SLC4A10: variants seen among roughly 807,000 people sequenced by gnomAD.
SLC4A10 encodes the protein solute carrier family 4 member 10, also known as sodium-driven chloride bicarbonate exchanger.
Under a neutral mutation model 137.7 loss-of-function variants are expected in SLC4A10, and 42 were observed. The observed-to-expected ratio is 0.30, with a 90% confidence interval of 0.24 to 0.39. The LOEUF is 0.39. Among genes scored for constraint, SLC4A10 ranks in the 10% least tolerant of loss-of-function variants. SLC4A10 has a pLI of 1.00. For missense variants in SLC4A10, 925 were observed against 1,355.0 expected (o/e 0.68, Z 4.98); for synonymous variants, 474 against 464.1 (o/e 1.02, Z -0.27).
At chr2:161,846,652 C>T (rs2125821348) in intron 4 of SLC4A10, among the ~76,000 whole-genome samples, 1 of 152,250 alleles carries the variant, frequency 6.6e-6, no homozygotes, top group Admixed American at 6.5e-5. Context: ...TAAAAAGGAA[C>T]AAACTACTGA....
Position 161,784,362 on chromosome 2 carries a change from A to G in SLC4A10, c.130+13308A>G, listed in dbSNP as rs377521402. On this transcript the variant is annotated intron_variant, in intron 2 of 26. Transcript: ENST00000446997. The stretch of plus-strand genomic sequence containing the variant: ...ATTACCCACGGGCAAAACAGAGCAA[A>G]AGGAAATAAAGGACTTCAACAACCT... Among the ~76,000 whole-genome samples the G allele has an allele frequency of 2.6e-5, 4 of 151,972 alleles. No homozygotes were observed. The East Asian group carries it at 5.8e-4, about 22-fold the overall frequency.
intron 1 of SLC4A10, among the ~76,000 whole-genome samples, chr2:161,685,611 A>AAAAC (rs143002118): frequency 6.9e-6 from 1 of 145,172 alleles, no homozygotes; most frequent in Admixed American, 6.9e-5. Flanking sequence ...CTGTCTCAGA[A>AAAAC]AAACAAACAA....
intron 1 of SLC4A10, among the ~76,000 whole-genome samples, chr2:161,696,096 T>C (rs549628938): frequency 6.6e-6 from 1 of 150,796 alleles, no homozygotes; most frequent in South Asian, 2.1e-4. Context: ...CCGTGTGTGA[T>C]GTTCCCCTTC....
At chr2:161,792,327 T>C (rs2054291038) in intron 2 of SLC4A10, among the ~76,000 whole-genome samples, 2 of 152,216 alleles carry the variant, frequency 1.3e-5, no homozygotes, top group Admixed American at 6.5e-5. Flanking sequence ...CCTTTAATCA[T>C]TATTTTTCTT....
At position 161,644,942 on chromosome 2, in the gene SLC4A10, A is replaced by G. The variant is rs561108958; in HGVS notation, c.48+20376A>G. ...TTGAAGTGATAATAAAGTTACATCA[A>G]AACAAGAAGGACTGGATCTTAACCC... On this transcript the variant is annotated intron_variant, in intron 1 of 26. Transcript: ENST00000446997. Among the ~76,000 whole-genome samples, 11 of 152,306 alleles carry G rather than the reference A, an allele frequency of 7.2e-5. No individual in the cohort carries two copies. The South Asian group carries it at 1.7e-3, about 23-fold the overall frequency.
intron 5 of SLC4A10, among the ~76,000 whole-genome samples, chr2:161,856,720 AG>A (rs997827511): frequency 6.6e-6 from 1 of 152,172 alleles, no homozygotes; most frequent in Non-Finnish European, 1.5e-5. Context: ...ATGAAACAGC[AG>A]GCTTTTCACA....
intron 1 of SLC4A10, among the ~76,000 whole-genome samples, chr2:161,685,635 C>CA (rs201910372): frequency 0.036 from 2,442 of 67,966 alleles, 63 homozygotes; most frequent in African/African-American, 0.12. Flanking sequence ...AACAAACAAA[C>CA]AAAAAAAAAA....
At chr2:161,683,746 G>A (rs984521430) in intron 1 of SLC4A10, among the ~76,000 whole-genome samples, 1 of 152,078 alleles carries the variant, frequency 6.6e-6, no homozygotes, top group East Asian at 1.9e-4. Flanking sequence ...TTTGTTAAAT[G>A]TTATCATTTT....
At chr2:161,772,306 G>A (rs1396699564) in intron 2 of SLC4A10, among the ~76,000 whole-genome samples, 2 of 151,696 alleles carry the variant, frequency 1.3e-5, no homozygotes, top group Non-Finnish European at 2.9e-5. Context: ...TCCTATTTAT[G>A]TCATGCTATG....
intron 10 of SLC4A10, among the ~76,000 whole-genome samples, chr2:161,890,649 G>A (rs2062817835): frequency 6.6e-6 from 1 of 151,984 alleles, no homozygotes; most frequent in Admixed American, 6.6e-5. Context: ...CTTGGTAAAT[G>A]TTCCTCTATC....
chr2:161,678,603 T>A (rs2040515848), intron 1 of SLC4A10, among the ~76,000 whole-genome samples: 1 of 152,120 alleles, frequency 6.6e-6, no homozygotes, highest in Non-Finnish European at 1.5e-5. Flanking sequence ...CAGAGAAGAC[T>A]CCTCCATGCT....
At chr2:161,792,745 G>A (rs779422962) in intron 2 of SLC4A10, among the ~76,000 whole-genome samples, 6 of 152,112 alleles carry the variant, frequency 3.9e-5, no homozygotes, top group African/African-American at 1.4e-4. Flanking sequence ...AGTGCTAATA[G>A]GGTACTGAGC....
At chr2:161,795,222 C>G (rs1433489162) in intron 2 of SLC4A10, among the ~76,000 whole-genome samples, 6 of 152,040 alleles carry the variant, frequency 3.9e-5, no homozygotes, top group Admixed American at 3.3e-4. Flanking sequence ...TCAGCCTACT[C>G]CAGCTTGTAG....
At chr2:161,982,952 A>G (rs1021201170) in intron 26 of SLC4A10, among the ~76,000 whole-genome samples, 66 of 152,252 alleles carry the variant, frequency 4.3e-4, no homozygotes, top group African/African-American at 1.3e-3. Flanking sequence ...TTTGTTGTTT[A>G]GTGTCTGTTT....
At chr2:161,824,406 CTG>C (rs1214345838) in intron 3 of SLC4A10, among the ~76,000 whole-genome samples, 1 of 152,188 alleles carries the variant, frequency 6.6e-6, no homozygotes, top group African/African-American at 2.4e-5. Flanking sequence ...CTGGAGAAAA[CTG>C]TGTTCCAGTG....
At chr2:161,880,235 G>A (rs574903561) in intron 9 of SLC4A10, among the ~76,000 whole-genome samples, 4 of 152,206 alleles carry the variant, frequency 2.6e-5, no homozygotes, top group Admixed American at 2.0e-4. Context: ...CTGTTAGTGC[G>A]CCTCCTCTTC....
Position 161,891,786 on chromosome 2 carries a change from G to T in SLC4A10, c.1195-2893G>T, listed in dbSNP as rs186425694. ...AGTTTGTTATTAACCACCTTCTGAA[G>T]CCTACTTCTGTCAATTCGTCAAACT... On this transcript the variant is annotated intron_variant, in intron 10 of 26. Coordinates refer to ENST00000446997, the MANE Select transcript of SLC4A10 (RefSeq NM_001178015.2). 1.6e-3 allele frequency among the ~76,000 whole-genome samples: 249 copies of T among 152,108 alleles called. 2 individuals carry two copies. Among genetic ancestry groups the T allele is most frequent in the African/African-American group, 5.8e-3 (242 of 41,526 alleles).
intron 10 of SLC4A10, among the ~76,000 whole-genome samples, chr2:161,892,422 A>G (rs1481648630): frequency 6.6e-6 from 1 of 151,544 alleles, no homozygotes; most frequent in Non-Finnish European, 1.5e-5. Context: ...AATATTAAAA[A>G]AAATCTCTTT....
At chr2:161,680,821 A>T (rs1161172076) in intron 1 of SLC4A10, among the ~76,000 whole-genome samples, 4 of 152,250 alleles carry the variant, frequency 2.6e-5, no homozygotes, top group Admixed American at 2.6e-4. Flanking sequence ...CTGCAGAATG[A>T]ATTTTAGAGG....
Sources: gnomAD v4.1 joint callset for allele counts (sites outside exome capture counted in the v4.1 genomes callset) on GRCh38, gnomAD v4.1.1 for gene constraint, MANE v1.5 for transcripts, NCBI Gene and HGNC (gene_info 2026-07-23, HGNC 2026-07-21) for gene names.